FARS2: variants seen among roughly 807,000 people sequenced by gnomAD.
FARS2 encodes phenylalanine--tRNA ligase, mitochondrial.
FARS2 carries 40 observed loss-of-function variants against 46.4 expected under a neutral mutation model. The ratio of observed to expected loss-of-function variants is 0.86; its 90% CI spans 0.67 to 1.12. The LOEUF is 1.12. Ranked by LOEUF, FARS2 falls within the 50% of genes most tolerant of loss-of-function variation. The probability of loss-of-function intolerance (pLI) is 0.00; values close to 1 mark genes in which losing one functional copy is unlikely to be tolerated. For synonymous variants in FARS2, 234 were observed against 214.9 expected, an observed-to-expected ratio of 1.09 and a Z score of -0.78; for missense variants, 513 against 567.9, an observed-to-expected ratio of 0.90 and a Z score of 0.98.
chr6:5,687,832 G>A (rs1347004883), intron 6 of FARS2, among the ~76,000 whole-genome samples: 1 of 152,218 alleles, frequency 6.6e-6, no homozygotes, highest in Non-Finnish European at 1.5e-5. Flanking sequence ...CTACCCATGA[G>A]TGTGGAATGT....
intron 4 of FARS2, among the ~76,000 whole-genome samples, chr6:5,532,780 T>TAAG (rs1441043690): frequency 0.025 from 3,592 of 146,392 alleles, 56 homozygotes; most frequent in Non-Finnish European, 0.036. Flanking sequence ...ATAATAATAA[T>TAAG]AATAAGAAGA....
At chr6:5,421,689 G>A (rs905190327) in intron 3 of FARS2, among the ~76,000 whole-genome samples, 1 of 152,118 alleles carries the variant, frequency 6.6e-6, no homozygotes, top group African/African-American at 2.4e-5. Context: ...TAAAACAGAG[G>A]CAAAATGCTG....
chr6:5,517,087 T>G (rs908755396), intron 4 of FARS2, among the ~76,000 whole-genome samples: 1 of 152,146 alleles, frequency 6.6e-6, no homozygotes, highest in Non-Finnish European at 1.5e-5. Flanking sequence ...GAAGAGTGTC[T>G]GCGTTTCGCA....
intron 6 of FARS2, among the ~76,000 whole-genome samples, chr6:5,650,570 T>C (rs1777303069): frequency 6.6e-6 from 1 of 152,150 alleles, no homozygotes; most frequent in African/African-American, 2.4e-5. Context: ...AAGCTCCCCC[T>C]CCTGGGTTCA....
At chr6:5,262,405 A>C (rs1457317589) in intron 1 of FARS2, among the ~76,000 whole-genome samples, 2 of 151,974 alleles carry the variant, frequency 1.3e-5, no homozygotes, top group African/African-American at 4.8e-5. Flanking sequence ...CAGCCTCCTG[A>C]GTGGCTGGGA....
chr6:5,570,871 G>A (rs573781336), intron 5 of FARS2, among the ~76,000 whole-genome samples: 10 of 152,278 alleles, frequency 6.6e-5, no homozygotes, highest in African/African-American at 1.7e-4. Flanking sequence ...AGCCTGATCC[G>A]TCAGGTTCTG....
intron 5 of FARS2, among the ~76,000 whole-genome samples, chr6:5,608,843 A>G (rs765949651): frequency 5.9e-5 from 9 of 152,076 alleles, no homozygotes; most frequent in Non-Finnish European, 8.8e-5. Flanking sequence ...CTCTTGGGGA[A>G]AATTTACCAA....
intron 6 of FARS2, among the ~76,000 whole-genome samples, chr6:5,622,953 G>T (rs1775848291): frequency 6.6e-6 from 1 of 152,160 alleles, no homozygotes. Flanking sequence ...GTTATTCAAT[G>T]ACTGGAAATA....
At chr6:5,769,301 T>C (rs946677795) in intron 6 of FARS2, among the ~76,000 whole-genome samples, 1 of 152,152 alleles carries the variant, frequency 6.6e-6, no homozygotes, top group Non-Finnish European at 1.5e-5. Flanking sequence ...GCAATTGTAG[T>C]TTGAATGGAA....
At chr6:5,473,974 C>T (rs1364794276) in intron 4 of FARS2, among the ~76,000 whole-genome samples, 1 of 152,170 alleles carries the variant, frequency 6.6e-6, no homozygotes, top group African/African-American at 2.4e-5. Context: ...CCCAGTCTAT[C>T]CATGAATGAT....
chr6:5,766,252 TG>T (rs1762743641), intron 6 of FARS2, among the ~76,000 whole-genome samples: 1 of 152,254 alleles, frequency 6.6e-6, no homozygotes, highest in African/African-American at 2.4e-5. Context: ...CTGCGTGAGT[TG>T]GGGGAGGACA....
rs1270322803 is a variant in FARS2 at position 5,448,212 on chromosome 6, T to C, written c.904+17040T>C. Among the ~76,000 whole-genome samples, 7 of 152,254 alleles carry C rather than the reference T, an allele frequency of 4.6e-5. No individual in the cohort carries two copies. In the East Asian group the frequency reaches 1.4e-3, roughly 29 times the overall value. On this transcript the variant is annotated intron_variant, in intron 4 of 6. Transcript: ENST00000274680. ...GAGTGTGGACTCTGTGCTGTTGTTA[T>C]TGCAGCCAGTAGAGACGTATTTGGG...
chr6:5,616,033 A>AAAAAAAAAAAAAAC (rs1413092908), intron 6 of FARS2, among the ~76,000 whole-genome samples: 4 of 150,234 alleles, frequency 2.7e-5, no homozygotes, highest in Admixed American at 6.6e-5. Context: ...AAAAAAAAAA[A>AAAAAAAAAAAAAAC]AACAACGAAA....
chr6:5,502,222 A>G (rs1001247985), intron 4 of FARS2, among the ~76,000 whole-genome samples: 1 of 152,210 alleles, frequency 6.6e-6, no homozygotes, highest in Admixed American at 6.5e-5. Flanking sequence ...TAGTCAGATG[A>G]AACAGTGAGA....
intron 3 of FARS2, among the ~76,000 whole-genome samples, chr6:5,407,868 G>T (rs1477132549): frequency 6.6e-6 from 1 of 152,204 alleles, no homozygotes; most frequent in African/African-American, 2.4e-5. Context: ...TAACACAAAT[G>T]CAGGGAGATG....
intron 6 of FARS2, among the ~76,000 whole-genome samples, chr6:5,700,446 AC>A (rs771005176): frequency 1.5e-4 from 23 of 151,616 alleles, no homozygotes; most frequent in Non-Finnish European, 3.4e-4. Flanking sequence ...TTGCGCTGTC[AC>A]CCAGGCTGGA....
At chr6:5,395,556 C>G (rs867173042) in intron 2 of FARS2, among the ~76,000 whole-genome samples, 12 of 152,168 alleles carry the variant, frequency 7.9e-5, no homozygotes, top group Non-Finnish European at 1.6e-4. Context: ...AAGAACACCT[C>G]ATTTTTCTCT....
intron 6 of FARS2, among the ~76,000 whole-genome samples, chr6:5,686,917 CATT>C (rs1757276172): frequency 6.6e-6 from 1 of 152,230 alleles, no homozygotes; most frequent in African/African-American, 2.4e-5. Context: ...GATGGTATCT[CATT>C]GTGGTTTTGA....
chr6:5,543,876 G>T (rs1452952134), intron 4 of FARS2, among the ~76,000 whole-genome samples: 52 of 134,166 alleles, frequency 3.9e-4, no homozygotes, highest in Non-Finnish European at 1.6e-4. Context: ...AGTTATGTTT[G>T]TTTGTTTGCT....
Sources: gnomAD v4.1 joint callset for allele counts (sites outside exome capture counted in the v4.1 genomes callset) on GRCh38, gnomAD v4.1.1 for gene constraint, MANE v1.5 for transcripts, NCBI Gene and HGNC (gene_info 2026-07-23, HGNC 2026-07-21) for gene names.